The following KDM5C variants were observed in gnomAD, a reference collection of about 807,000 sequenced individuals.
KDM5C encodes lysine demethylase 5C, also known as lysine-specific demethylase 5C.
Under a neutral mutation model 110.6 loss-of-function variants are expected in KDM5C, and 16 were observed. The ratio of observed to expected loss-of-function variants is 0.14; its 90% confidence interval spans 0.10 to 0.22. The LOEUF (loss-of-function observed/expected upper bound fraction) is 0.22. Ranked by LOEUF, KDM5C falls within the 10% of genes least tolerant of loss-of-function variation. KDM5C has a pLI of 1.00. For synonymous variants in KDM5C, 511 were observed against 520.4 expected (o/e 0.98, Z 0.24); for missense variants, 681 against 1,300.9 (o/e 0.52, Z 7.33).
chrX:53,207,953 A>G, intron 12 of KDM5C, among the ~76,000 whole-genome samples: 1 of 92,404 alleles, frequency 1.1e-5, no homozygotes, highest in Non-Finnish European at 2.1e-5. Context: ...TGGGTGACAG[A>G]GCGAGACTCT....
downstream of KDM5C, among the ~76,000 whole-genome samples, chrX:53,186,848 G>T (rs782594959): frequency 6.2e-5 from 7 of 112,216 alleles, no homozygotes; most frequent in Non-Finnish European, 1.1e-4. Flanking sequence ...AGTTTTTAAT[G>T]ATTCGGCTAA....
chrX:53,203,201 C>T (rs1556843293), intron 12 of KDM5C, among the ~76,000 whole-genome samples: 2 of 111,840 alleles, frequency 1.8e-5, no homozygotes, highest in African/African-American at 3.3e-5. Flanking sequence ...TTGAAAAGTT[C>T]GAAGCCATTC....
intron 12 of KDM5C, among the ~76,000 whole-genome samples, chrX:53,203,774 T>G (rs1602189240): frequency 1.9e-5 from 2 of 106,703 alleles, no homozygotes; most frequent in Non-Finnish European, 3.9e-5. Context: ...AGTTTTTTGT[T>G]TTTTTTTTTT....
At chrX:53,218,935 T>C (rs1345525015) in intron 2 of KDM5C, among the ~76,000 whole-genome samples, 1 of 111,842 alleles carries the variant, frequency 8.9e-6, no homozygotes, top group African/African-American at 3.3e-5. Context: ...AAGGTCCCAA[T>C]AGAGAGGGTC....
At chrX:53,187,517 CCT>C (rs1337753351), downstream of KDM5C, among the ~76,000 whole-genome samples, 2 of 111,234 alleles carry the variant, frequency 1.8e-5, no homozygotes, top group Admixed American at 1.9e-4. Flanking sequence ...TCCCATTTCC[CCT>C]CTTTTTGAAC....
chrX:53,195,140 C>T lies in KDM5C; in HGVS notation c.3301-72G>A. On this transcript the variant is annotated intron_variant, in intron 21 of 25. Transcript: ENST00000375401. The stretch of plus-strand genomic sequence containing the variant: ...CCCCCGCCTCCTTCCCTCCCTGGTG[C>T]CCCTACAAAACCCATGTTATCTCAT... The T allele has an allele frequency of 4.3e-6, 5 of 1,173,341 alleles. No homozygotes were observed. The Admixed American group carries it at 1.2e-4, about 28-fold the overall frequency.
intron 18 of KDM5C, 57 bp from the exon 19 acceptor site, chrX:53,197,101 A>C: frequency 1.1e-6 from 1 of 921,294 alleles, no homozygotes; most frequent in Non-Finnish European, 1.5e-6. Context: ...GAGGGGTTCC[A>C]CCACCAGATG....
At chrX:53,223,569 G>A (rs1259637822) in intron 1 of KDM5C, among the ~76,000 whole-genome samples, 9 of 111,753 alleles carry the variant, frequency 8.1e-5, no homozygotes, top group East Asian at 2.8e-4. Context: ...CCCTTTTCCA[G>A]CAAAGCTCAA....
rs1556841781 is a variant in KDM5C, at chrX:53,201,611, T to C, written c.2000A>G (p.His667Arg). ...TTGCACCATGATGAACATCTCCTTA[T>C]GCACAGCTGCCGCCAGGTTCAGGTC... ...KLDLNLAAAVHKEMFIMVQEE... is the reference protein window; with the variant it reads ...KLDLNLAAAVRKEMFIMVQEE... The change falls in exon 14 of 26, where the codon CAT (histidine) becomes CGT (arginine). Residue 667 changes from histidine to arginine, a missense_variant. His to Arg is a conservative substitution (Grantham distance 29). This residue lies in a region of KDM5C where 42 missense variants were observed against 98.9 expected (regional missense o/e 0.42). Transcript: ENST00000375401. 2 of 1,212,110 alleles carry C rather than the reference T, an allele frequency of 1.7e-6. No individual in the cohort carries two copies. The highest frequency in any genetic ancestry group is 2.2e-6 in the Non-Finnish European group (2 of 895,574).
rs797044695 is a variant in KDM5C, at chrX:53,193,312, G to A, written c.4338C>T (p.His1446=). ...TLLELEKAER[H]GSRARGRALE... ...GGGCCCGGCCCCGAGCCCGACTCCC[G>A]TGACGCTCTGCCTTCTCCAGCTGTG... The change falls in exon 26 of 26, where the codon CAC becomes CAT. Residue 1446 remains histidine, a synonymous_variant. Coordinates refer to ENST00000375401, the MANE Select transcript of KDM5C (RefSeq NM_004187.5). 3.3e-6 allele frequency: 4 copies of A among 1,210,306 alleles called. No individual in the cohort carries two copies. Among genetic ancestry groups the A allele is most frequent in the Non-Finnish European group, 4.5e-6 (4 of 895,185 alleles).
intron 22 of KDM5C, 78 bp downstream of exon 22, chrX:53,194,853 C>T (rs782084068): frequency 2.4e-5 from 28 of 1,190,705 alleles, no homozygotes; most frequent in Non-Finnish European, 3.1e-5. Flanking sequence ...AGGGGACAAG[C>T]GGTCTGCTCA....
chrX:53,221,107 C>T (rs1556854528), intron 1 of KDM5C, among the ~76,000 whole-genome samples, 191 bp from the exon 2 acceptor site: 1 of 91,096 alleles, frequency 1.1e-5, no homozygotes, highest in Admixed American at 1.4e-4. Context: ...AGTCTAGCAG[C>T]CCCTCAAGTC....
chrX:53,187,775 T>G (rs1433415611), downstream of KDM5C, among the ~76,000 whole-genome samples: 1 of 109,892 alleles, frequency 9.1e-6, no homozygotes, highest in African/African-American at 3.3e-5. Flanking sequence ...CTTTTTTTTT[T>G]TTGAGACGGA....
In KDM5C at chrX:53,221,225, G is replaced by A. The variant is rs782626809; in HGVS notation, c.151-309C>T. On this transcript the variant is annotated intron_variant, in intron 1 of 25. Transcript: ENST00000375401. ...TAAGAGATGGAGCCTCTGTTTTGTT[G>A]ACCCTAAACCTTCTCCACACCCACA... is the stretch of plus-strand genomic sequence containing the variant. Among the ~76,000 whole-genome samples the A allele has an allele frequency of 2.7e-5, 3 of 110,240 alleles. No individual in the cohort carries two copies. The East Asian group carries it at 8.5e-4, about 31-fold the overall frequency.
Position 53,196,922 on chromosome X carries a change from C to T in KDM5C, c.2745G>A (p.Val915=), listed in dbSNP as rs1440517448. 5.7e-5 allele frequency: 68 copies of T among 1,201,084 alleles called. No individual in the cohort carries two copies. Among genetic ancestry groups the T allele is most frequent in the Non-Finnish European group, 7.4e-5 (66 of 889,720 alleles). ...LERGRQLGVE[V]PEAQQLQRQV... ...GCCGCTGGAGCTGCTGGGCCTCAGG[C>T]ACCTCCACCCCCAGCTGCCGCCCCC... Residue 915 remains valine (V), a synonymous_variant, in exon 19 of 26, where the codon GTG becomes GTA. Coordinates refer to ENST00000375401, the MANE Select transcript of KDM5C (RefSeq NM_004187.5).
intron 12 of KDM5C, among the ~76,000 whole-genome samples, chrX:53,206,742 T>C (rs1157239746): frequency 9.5e-6 from 1 of 105,742 alleles, no homozygotes; most frequent in Non-Finnish European, 1.9e-5. Flanking sequence ...CGCACGCCTG[T>C]AATCTCAGCT....
intron 14 of KDM5C, 132 bp from the exon 15 acceptor site, chrX:53,199,290 C>T: frequency 3.2e-6 from 2 of 633,136 alleles, no homozygotes; most frequent in Non-Finnish European, 5.1e-6. Flanking sequence ...GGCCAAACCC[C>T]AGGGAGCATA....
intron 3 of KDM5C, 58 bp downstream of exon 3, chrX:53,218,218 G>A: frequency 1.1e-5 from 13 of 1,200,600 alleles, no homozygotes; most frequent in Non-Finnish European, 1.5e-5. Context: ...GGGGCCCCCA[G>A]AGTATCAAGG....
intron 18 of KDM5C, chrX:53,197,567 C>G: frequency 2.2e-6 from 1 of 450,700 alleles, no homozygotes; most frequent in Non-Finnish European, 4.0e-6. Context: ...ATCCTATACC[C>G]ATACCCTTGC....
Sources: allele counts gnomAD v4.1 joint callset (sites outside exome capture counted in the v4.1 genomes callset), GRCh38; gene constraint gnomAD v4.1.1; regional missense constraint gnomAD v4.1.1; transcripts MANE v1.5; gene names NCBI Gene and HGNC (gene_info 2026-07-23, HGNC 2026-07-21).